MACROD2: variants seen among roughly 807,000 people sequenced by gnomAD.
MACROD2 encodes ADP-ribose glycohydrolase MACROD2.
Under a neutral mutation model 70.4 loss-of-function variants are expected in MACROD2, and 36 were observed. That is an observed-to-expected ratio of 0.51 (90% CI 0.39 to 0.68). MACROD2 has a LOEUF of 0.68. MACROD2 is among the 30% of genes least tolerant of loss of function. MACROD2 has a pLI of 0.00. For missense variants in MACROD2, 496 were observed against 538.4 expected, an observed-to-expected ratio of 0.92 and a Z score of 0.78; for synonymous variants, 172 against 178.8, an observed-to-expected ratio of 0.96 and a Z score of 0.30.
intron 8 of MACROD2, among the ~76,000 whole-genome samples, chr20:15,811,471 C>G (rs565925998): frequency 9.9e-4 from 150 of 152,242 alleles, no homozygotes; most frequent in African/African-American, 3.6e-3. Context: ...AAGTAGCTCC[C>G]CTGTATTCCT....
intron 3 of MACROD2, among the ~76,000 whole-genome samples, chr20:14,138,534 G>A (rs868857377): frequency 6.6e-6 from 1 of 152,120 alleles, no homozygotes; most frequent in African/African-American, 2.4e-5. Flanking sequence ...TCATTTATAT[G>A]TGGAATCTAA....
intron 6 of MACROD2, among the ~76,000 whole-genome samples, chr20:15,303,514 C>T (rs553114121): frequency 3.3e-4 from 50 of 152,198 alleles, no homozygotes; most frequent in Non-Finnish European, 5.3e-4. Flanking sequence ...TATAGCCATC[C>T]TCTCTTTCAT....
At chr20:15,338,891 A>T (rs1022846250) in intron 6 of MACROD2, among the ~76,000 whole-genome samples, 17 of 151,754 alleles carry the variant, frequency 1.1e-4, no homozygotes, top group Admixed American at 2.6e-4. Flanking sequence ...TTTTCAGTTT[A>T]TAAGCATGAT....
chr20:14,664,145 A>G (rs2123542908), intron 4 of MACROD2, among the ~76,000 whole-genome samples: 2 of 152,248 alleles, frequency 1.3e-5, no homozygotes, highest in Middle Eastern at 3.4e-3. Context: ...TTGGTTTTAC[A>G]AAAATCACAA....
Position 14,776,553 on chromosome 20 carries a change from C to T in MACROD2, c.418+91594C>T, listed in dbSNP as rs535190316. Among the ~76,000 whole-genome samples the T allele has an allele frequency of 6.6e-5, 10 of 152,144 alleles. No individual in the cohort carries two copies. The East Asian group carries it at 7.7e-4, about 12-fold the overall frequency. On this transcript the variant is annotated intron_variant, in intron 5 of 17. Coordinates refer to ENST00000684519, the MANE Select transcript of MACROD2 (RefSeq NM_001351661.2). ...ATTGGTGCAGTGGTCCTCAAACATA[C>T]GGGTCAGATTTGTCGCTCAAGTCTG...
chr20:15,722,450 T>C (rs996400399), intron 8 of MACROD2, among the ~76,000 whole-genome samples: 4 of 152,210 alleles, frequency 2.6e-5, no homozygotes, highest in African/African-American at 7.2e-5. Context: ...ATAGATTAAC[T>C]TGGCATTCTC....
At position 14,576,712 on chromosome 20, in the gene MACROD2, G is replaced by C. The variant is rs563968922; in HGVS notation, c.301+83204G>C. ...TTATATAAGGGCTCTCAGAGGTCAA[G>C]AGTGCAGAGGCCACCCCCTTTTAAA... On this transcript the variant is annotated intron_variant, in intron 4 of 17. Transcript: ENST00000684519. 1.4e-4 allele frequency among the ~76,000 whole-genome samples: 17 copies of C among 120,556 alleles called. 1 individual carries two copies. In the South Asian group the frequency reaches 6.1e-3, roughly 43 times the overall value. The allele number at this position is 120,556 out of a possible 152,430, so 79.1% of individuals were successfully genotyped here. A position where few individuals can be genotyped will look rare whatever the true frequency, so the allele number is the denominator to read the frequency against.
At chr20:14,715,767 G>A (rs1366326532) in intron 5 of MACROD2, among the ~76,000 whole-genome samples, 2 of 152,120 alleles carry the variant, frequency 1.3e-5, no homozygotes, top group African/African-American at 4.8e-5. Context: ...AAGGTTGATT[G>A]TAGTTTTTAA....
chr20:15,952,359 C>T (rs2065918418), intron 12 of MACROD2, among the ~76,000 whole-genome samples: 1 of 151,970 alleles, frequency 6.6e-6, no homozygotes, highest in Admixed American at 6.6e-5. Flanking sequence ...TTCCCTGAAT[C>T]TTCCTTCATG....
At chr20:15,575,191 G>T (rs1490556080) in intron 8 of MACROD2, among the ~76,000 whole-genome samples, 1 of 152,010 alleles carries the variant, frequency 6.6e-6, no homozygotes. Flanking sequence ...TTTTTTTCTT[G>T]CAAGGTTTGC....
intron 6 of MACROD2, among the ~76,000 whole-genome samples, chr20:15,319,597 G>C (rs1042299537): frequency 1.3e-5 from 2 of 152,282 alleles, no homozygotes; most frequent in East Asian, 3.9e-4. Flanking sequence ...TCCTTAAAAG[G>C]CTAAATATAG....
chr20:14,282,509 C>A (rs1293233197), intron 3 of MACROD2, among the ~76,000 whole-genome samples: 3 of 152,142 alleles, frequency 2.0e-5, no homozygotes, highest in Non-Finnish European at 4.4e-5. Context: ...ATGAAATGTT[C>A]CGTGAGAAAG....
chr20:15,525,663 G>A (rs979442642), intron 8 of MACROD2, among the ~76,000 whole-genome samples: 1 of 152,230 alleles, frequency 6.6e-6, no homozygotes, highest in Admixed American at 6.5e-5. Context: ...ACAGTAACTA[G>A]TGAAACTTTG....
chr20:15,707,761 G>C (rs1007585851), intron 8 of MACROD2, among the ~76,000 whole-genome samples: 2 of 151,818 alleles, frequency 1.3e-5, no homozygotes, highest in African/African-American at 2.4e-5. Context: ...CTCCAGCCTG[G>C]GCAACAGAGT....
intron 4 of MACROD2, among the ~76,000 whole-genome samples, chr20:14,677,649 T>G (rs1568733728): frequency 6.6e-6 from 1 of 152,178 alleles, no homozygotes; most frequent in Non-Finnish European, 1.5e-5. Flanking sequence ...AGAGCAGCCC[T>G]GTGAGTGACC....
chr20:14,347,153 C>T (rs1468049576), intron 3 of MACROD2, among the ~76,000 whole-genome samples: 3 of 152,142 alleles, frequency 2.0e-5, no homozygotes, highest in Admixed American at 1.3e-4. Context: ...AGGAGAGAAT[C>T]AGAGGTGCTA....
At chr20:14,423,218 A>G (rs2083894477) in intron 3 of MACROD2, among the ~76,000 whole-genome samples, 2 of 152,228 alleles carry the variant, frequency 1.3e-5, no homozygotes, top group South Asian at 2.1e-4. Flanking sequence ...GAATAAAGAC[A>G]CCACAAAATT....
intron 10 of MACROD2, among the ~76,000 whole-genome samples, chr20:15,912,530 C>T (rs2065252166): frequency 6.6e-6 from 1 of 152,154 alleles, no homozygotes; most frequent in African/African-American, 2.4e-5. Context: ...AGGCTGAACC[C>T]TGAGGTTTTT....
chr20:14,255,434 A>G (rs2082045962), intron 3 of MACROD2, among the ~76,000 whole-genome samples: 1 of 151,896 alleles, frequency 6.6e-6, no homozygotes, highest in Non-Finnish European at 1.5e-5. Flanking sequence ...TATCGCAGGG[A>G]CAAAAAAACC....
Sources: allele counts gnomAD v4.1 joint callset (sites outside exome capture counted in the v4.1 genomes callset), GRCh38; gene constraint gnomAD v4.1.1; transcripts MANE v1.5; gene names NCBI Gene and HGNC (gene_info 2026-07-23, HGNC 2026-07-21).